Variants in HS2ST1 observed in about 807,000 individuals in gnomAD.
The protein encoded by HS2ST1 is 2-O-sulfotransferase.
HS2ST1 carries 18 observed loss-of-function variants against 42.9 expected under a neutral mutation model. The ratio of observed to expected loss-of-function variants is 0.42; its 90% CI spans 0.29 to 0.62. HS2ST1 has a LOEUF of 0.62. Ranked by LOEUF, HS2ST1 falls within the 20% of genes least tolerant of loss-of-function variation. The pLI is 0.21. For synonymous variants in HS2ST1, 146 were observed against 152.9 expected (o/e 0.95, Z 0.33); for missense variants, 334 against 433.8 (o/e 0.77, Z 2.04).
intron 1 of HS2ST1, among the ~76,000 whole-genome samples, chr1:86,971,008 A>G (rs1262796461): frequency 6.6e-6 from 1 of 152,192 alleles, no homozygotes; most frequent in Non-Finnish European, 1.5e-5. Flanking sequence ...TTGATTATCT[A>G]GGGATAGATA....
intron 1 of HS2ST1, among the ~76,000 whole-genome samples, chr1:86,963,419 T>A (rs6691627): frequency 0.11 from 16,941 of 152,116 alleles, 1,016 homozygotes; most frequent in African/African-American, 0.14. Context: ...GCACTGCCCT[T>A]AATCCATTTA....
At chr1:86,993,490 G>T (rs1031387553) in intron 1 of HS2ST1, among the ~76,000 whole-genome samples, 1 of 152,138 alleles carries the variant, frequency 6.6e-6, no homozygotes, top group African/African-American at 2.4e-5. Flanking sequence ...GGCTTTGTAA[G>T]TGCATTCTTA....
Position 87,109,442 on chromosome 1 carries a change from T to G in HS2ST1, c.*4746T>G, listed in dbSNP as rs1307123930. 2 of 152,008 alleles carry G rather than the reference T, an allele frequency of 1.3e-5. No homozygotes were observed. Among genetic ancestry groups the G allele is most frequent in the African/African-American group, 4.8e-5 (2 of 41,412 alleles). 9.4% of individuals were successfully genotyped at this position (152,008 alleles called of 1,614,324 possible). ...AAAACTTACAAAATATATACTTAAT[T>G]AGAAGAAAAAAATAGAGAAAGGGCT... On this transcript the variant is annotated 3_prime_UTR_variant, in exon 7 of 7. Transcript: ENST00000370550.
At chr1:86,948,011 T>C (rs763101657) in intron 1 of HS2ST1, among the ~76,000 whole-genome samples, 59 of 152,182 alleles carry the variant, frequency 3.9e-4, no homozygotes, top group South Asian at 2.5e-3. Context: ...ATTTAAACTG[T>C]TGGGGTTCTT....
chr1:87,057,581 T>TA (rs397709373), intron 1 of HS2ST1, among the ~76,000 whole-genome samples: 6 of 150,584 alleles, frequency 4.0e-5, no homozygotes, highest in South Asian at 2.1e-4. Context: ...TTTTTTTTTT[T>TA]AAAGACAAAG....
intron 5 of HS2ST1, 34 bp from the exon 6 acceptor site, chr1:87,103,398 C>A: frequency 6.4e-7 from 1 of 1,558,880 alleles, no homozygotes; most frequent in Non-Finnish European, 8.6e-7. Context: ...GCAGATTTCA[C>A]AACCAGGTTT....
At chr1:87,082,829 C>T (rs1310713150) in intron 2 of HS2ST1, among the ~76,000 whole-genome samples, 4 of 152,118 alleles carry the variant, frequency 2.6e-5, no homozygotes, top group African/African-American at 9.7e-5. Flanking sequence ...ATTTATTTGG[C>T]TCTTTCAGTT....
intron 1 of HS2ST1, among the ~76,000 whole-genome samples, chr1:87,044,007 C>T (rs1650582168): frequency 6.6e-6 from 1 of 151,978 alleles, no homozygotes; most frequent in South Asian, 2.1e-4. Flanking sequence ...GTTAGGCTCA[C>T]AACAAATCTT....
intron 1 of HS2ST1, among the ~76,000 whole-genome samples, chr1:87,029,830 A>G (rs1414434205): frequency 6.6e-6 from 1 of 152,196 alleles, no homozygotes; most frequent in African/African-American, 2.4e-5. Context: ...AAGGTGAATA[A>G]ACATATTCAA....
intron 2 of HS2ST1, among the ~76,000 whole-genome samples, chr1:87,073,626 A>G (rs1489156947): frequency 6.6e-6 from 1 of 152,216 alleles, no homozygotes; most frequent in Non-Finnish European, 1.5e-5. Context: ...AAATGTATAT[A>G]TAGTTTAGTT....
At chr1:86,990,917 G>T (rs1273378927) in intron 1 of HS2ST1, among the ~76,000 whole-genome samples, 8 of 142,676 alleles carry the variant, frequency 5.6e-5, no homozygotes, top group Admixed American at 5.0e-4. Flanking sequence ...TGACCTCAGG[G>T]GATCCGCCTG....
At chr1:87,098,177 T>A in intron 5 of HS2ST1, 1 of 1,123,856 alleles carries the variant, frequency 8.9e-7, no homozygotes, top group Non-Finnish European at 1.1e-6. Context: ...TATTTCTTAT[T>A]TTTGGTGTTA....
intron 1 of HS2ST1, among the ~76,000 whole-genome samples, chr1:86,923,398 CT>C (rs1440334959): frequency 2.2e-3 from 297 of 137,742 alleles, no homozygotes; most frequent in Middle Eastern, 3.7e-3. Context: ...AGGGGAACGC[CT>C]TTTTTTTTTT....
intron 1 of HS2ST1, among the ~76,000 whole-genome samples, chr1:87,063,586 C>T (rs191383081): frequency 1.8e-4 from 28 of 152,318 alleles, no homozygotes; most frequent in Admixed American, 1.2e-3. Flanking sequence ...CCACCCGCCT[C>T]GGCTTCCCTA....
intron 1 of HS2ST1, among the ~76,000 whole-genome samples, chr1:87,025,391 C>A (rs1650058455): frequency 6.6e-6 from 1 of 152,152 alleles, no homozygotes; most frequent in African/African-American, 2.4e-5. Context: ...TTCTAGTCTC[C>A]CTCTAGTGTT....
chr1:87,054,477 T>A (rs1229568366), intron 1 of HS2ST1, among the ~76,000 whole-genome samples: 1 of 152,180 alleles, frequency 6.6e-6, no homozygotes, highest in African/African-American at 2.4e-5. Context: ...GATGTCACAT[T>A]TCATGTAGAA....
intron 3 of HS2ST1, among the ~76,000 whole-genome samples, chr1:87,086,622 T>G (rs1651823225): frequency 1.3e-5 from 2 of 152,158 alleles, no homozygotes; most frequent in South Asian, 4.2e-4. Flanking sequence ...AACGCTCCTT[T>G]CTAGTTTAGC....
At chr1:86,988,442 T>C (rs1197132113) in intron 1 of HS2ST1, among the ~76,000 whole-genome samples, 2 of 152,254 alleles carry the variant, frequency 1.3e-5, no homozygotes, top group Non-Finnish European at 2.9e-5. Flanking sequence ...CCTTACATGC[T>C]GTTAGTGGGA....
chr1:86,954,560 A>G (rs1647624140), intron 1 of HS2ST1, among the ~76,000 whole-genome samples: 1 of 152,244 alleles, frequency 6.6e-6, no homozygotes, highest in African/African-American at 2.4e-5. Flanking sequence ...TATCCTGTAT[A>G]GGATCAGTAA....
Sources: allele counts gnomAD v4.1 joint callset (sites outside exome capture counted in the v4.1 genomes callset), GRCh38; gene constraint gnomAD v4.1.1; transcripts MANE v1.5; gene names NCBI Gene and HGNC (gene_info 2026-07-23, HGNC 2026-07-21).